ARHGEF33: variants seen among roughly 807,000 people sequenced by gnomAD.
ARHGEF33 encodes the protein DH and coiled-coil domain-containing protein ENSP00000381780.
A neutral mutation model predicts 101.9 loss-of-function variants in ARHGEF33; 72 were observed. That is an observed-to-expected ratio of 0.71 (90% CI 0.58 to 0.86). The LOEUF (loss-of-function observed/expected upper bound fraction) is 0.86, where lower values mean the gene tolerates loss of function less well. Ranked by LOEUF, ARHGEF33 falls within the 40% of genes least tolerant of loss-of-function variation. The probability of loss-of-function intolerance (pLI) is 0.00; values close to 1 mark genes in which losing one functional copy is unlikely to be tolerated. For missense variants in ARHGEF33, 1,169 were observed against 1,111.3 expected, an observed-to-expected ratio of 1.05 and a Z score of -0.74; for synonymous variants, 499 against 442.5, an observed-to-expected ratio of 1.13 and a Z score of -1.60.
At chr2:38,948,416 TCAAA>T (rs950531313) in intron 10 of ARHGEF33, among the ~76,000 whole-genome samples, 44 of 152,252 alleles carry the variant, frequency 2.9e-4, no homozygotes, top group African/African-American at 1.0e-3. Context: ...CCCTGAAATC[TCAAA>T]CAGTCATCCC....
intron 2 of ARHGEF33, among the ~76,000 whole-genome samples, chr2:38,907,850 C>T (rs911838611): frequency 6.6e-6 from 1 of 150,728 alleles, no homozygotes; most frequent in East Asian, 1.9e-4. Flanking sequence ...TGCACAGTGT[C>T]TCTGGGAGGA....
intron 15 of ARHGEF33, 77 bp downstream of exon 15, chr2:38,958,275 G>T (rs1572776470): frequency 6.7e-7 from 1 of 1,502,500 alleles, no homozygotes; most frequent in East Asian, 2.5e-5. Context: ...TAGCAGGGCA[G>T]CCTAGATTCC....
chr2:38,958,126 G>A lies in ARHGEF33; in HGVS notation c.1463G>A (p.Arg488His), dbSNP rs897102832. Residue 488 changes from arginine (R) to histidine (H), a missense_variant, in exon 15 of 18, where the codon CGT (arginine) becomes CAT (histidine). Transcript: ENST00000409978. ...ASPTAGPEAV[R>H]DTGIHSEELL... ...CCCACTGCAGGTCCTGAGGCTGTCCGTGACACTGGGATCCACTCAGAAGAG... is the reference window on the plus strand; with the variant it reads ...CCCACTGCAGGTCCTGAGGCTGTCCATGACACTGGGATCCACTCAGAAGAG... 3.9e-6 allele frequency: 6 copies of A among 1,551,874 alleles called. No homozygotes were observed. In the African/African-American group the frequency reaches 4.1e-5, roughly 11 times the overall value.
At chr2:38,904,468 G>A (rs1666342362) in intron 2 of ARHGEF33, among the ~76,000 whole-genome samples, 1 of 152,138 alleles carries the variant, frequency 6.6e-6, no homozygotes, top group African/African-American at 2.4e-5. Flanking sequence ...CACTTTGGGT[G>A]GCTGAGGCAG....
chr2:38,965,641 G>A (rs964651922), intron 16 of ARHGEF33, among the ~76,000 whole-genome samples: 7 of 152,206 alleles, frequency 4.6e-5, no homozygotes, highest in African/African-American at 7.2e-5. Context: ...TTTCTAGCAC[G>A]ACAGTGTTGG....
chr2:38,958,307 G>GC lies in ARHGEF33; in HGVS notation c.1535+111dup, dbSNP rs1402470045. 1.0e-5 allele frequency: 14 copies of GC among 1,349,824 alleles called. No homozygotes were observed. The African/African-American group carries it at 1.9e-4, about 18-fold the overall frequency. The allele number at this position is 1,349,824 out of a possible 1,614,324, so 83.6% of individuals were successfully genotyped here. ...TTCCTCCATCCCCTTTCCCCATCAG[G>GC]CCTATATGTGCCAACCAAGCAGCCA... is the stretch of plus-strand genomic sequence containing the variant. On this transcript the variant is annotated intron_variant, in intron 15 of 17. Transcript: ENST00000409978.
At chr2:38,936,611 C>T (rs1306275035) in intron 8 of ARHGEF33, among the ~76,000 whole-genome samples, 2 of 152,178 alleles carry the variant, frequency 1.3e-5, no homozygotes, top group African/African-American at 4.8e-5. Flanking sequence ...GCTGTGGACA[C>T]TTTTAATCCT....
At chr2:38,947,407 C>T (rs1667479002) in intron 10 of ARHGEF33, among the ~76,000 whole-genome samples, 1 of 152,172 alleles carries the variant, frequency 6.6e-6, no homozygotes, top group Admixed American at 6.5e-5. Context: ...TGTTTAGAGA[C>T]AAGGTCTCTG....
intron 11 of ARHGEF33, among the ~76,000 whole-genome samples, chr2:38,952,111 T>C (rs189562431): frequency 6.6e-6 from 1 of 152,328 alleles, no homozygotes; most frequent in East Asian, 1.9e-4. Flanking sequence ...ATCCAGAATT[T>C]TGTGGGAAAT....
At position 38,958,905 on chromosome 2, in the gene ARHGEF33, C is replaced by T. The variant is rs149512890; in HGVS notation, c.1535+707C>T. Among the ~76,000 whole-genome samples the T allele has an allele frequency of 2.1e-3, 317 of 152,242 alleles. 3 individuals carry two copies. Among genetic ancestry groups the T allele is most frequent in the African/African-American group, 6.9e-3 (287 of 41,528 alleles). On this transcript the variant is annotated intron_variant, in intron 15 of 17. Coordinates refer to ENST00000409978, the MANE Select transcript of ARHGEF33 (RefSeq NM_001145451.5). ...ATGTTGGCCAGGCTGCCACCATGCC[C>T]GGCTAATTTTTGTACTTTTAGTAGA...
intron 7 of ARHGEF33, 131 bp from the exon 8 acceptor site, chr2:38,935,643 TC>T (rs1667110743): frequency 1.6e-6 from 1 of 638,144 alleles, no homozygotes; most frequent in Non-Finnish European, 2.7e-6. Context: ...TACTGTAATT[TC>T]TTTTTTTTAC....
At chr2:38,971,974 C>T in intron 17 of ARHGEF33, 1 of 718,424 alleles carries the variant, frequency 1.4e-6, no homozygotes, top group Non-Finnish European at 2.6e-6. Flanking sequence ...ATGTTGGAAC[C>T]ATCAAAGTGT....
chr2:38,912,748 C>A (rs1666535173), intron 2 of ARHGEF33, among the ~76,000 whole-genome samples: 1 of 152,134 alleles, frequency 6.6e-6, no homozygotes, highest in Non-Finnish European at 1.5e-5. Context: ...AATGAAAGAA[C>A]CAGTTCTGAA....
At chr2:38,949,455 A>G (rs933312610) in intron 10 of ARHGEF33, among the ~76,000 whole-genome samples, 3 of 151,928 alleles carry the variant, frequency 2.0e-5, no homozygotes, top group South Asian at 4.2e-4. Flanking sequence ...TTACCCAGCT[A>G]GTCCCCCTTC....
chr2:38,944,080 G>C, intron 10 of ARHGEF33, 50 bp downstream of exon 10: 1 of 1,513,046 alleles, frequency 6.6e-7, no homozygotes, highest in Non-Finnish European at 8.9e-7. Context: ...AGGATTTAAG[G>C]TAAGTGGTTT....
At chr2:38,910,789 C>T (rs895446360) in intron 2 of ARHGEF33, among the ~76,000 whole-genome samples, 4 of 152,182 alleles carry the variant, frequency 2.6e-5, no homozygotes, top group Non-Finnish European at 5.9e-5. Context: ...ACGCAGATGG[C>T]TATCAGAGCC....
chr2:38,963,837 G>A (rs1481604746), intron 16 of ARHGEF33, among the ~76,000 whole-genome samples: 2 of 152,158 alleles, frequency 1.3e-5, no homozygotes, highest in Admixed American at 6.5e-5. Flanking sequence ...CCTTAAGTCA[G>A]TGGTCCCCGA....
At chr2:38,966,803 T>C (rs1004670880) in intron 17 of ARHGEF33, among the ~76,000 whole-genome samples, 4 of 152,182 alleles carry the variant, frequency 2.6e-5, no homozygotes, top group African/African-American at 7.2e-5. Flanking sequence ...TGTCTTACAG[T>C]CTGGGAGGCA....
chr2:38,917,102 C>CTCTTTTTTTTTTT (rs768851732), intron 2 of ARHGEF33, among the ~76,000 whole-genome samples: 1 of 129,326 alleles, frequency 7.7e-6, no homozygotes, highest in Non-Finnish European at 1.6e-5. Flanking sequence ...AACCGGTCTT[C>CTCTTTTTTTTTTT]TTTTTTTGAG....
Sources: allele counts gnomAD v4.1 joint callset (sites outside exome capture counted in the v4.1 genomes callset), GRCh38; gene constraint gnomAD v4.1.1; transcripts MANE v1.5; gene names NCBI Gene and HGNC (gene_info 2026-07-23, HGNC 2026-07-21).